Variants in ACVR1 observed in about 807,000 individuals in gnomAD.
The protein encoded by ACVR1 is activin receptor type-1.
Under a neutral mutation model 57.1 loss-of-function variants are expected in ACVR1, and 38 were observed. That is an observed-to-expected ratio of 0.67 (90% CI 0.51 to 0.87). The LOEUF (loss-of-function observed/expected upper bound fraction) is 0.87. Among genes scored for constraint, ACVR1 ranks in the 40% least tolerant of loss-of-function variants. The pLI, the probability that ACVR1 is intolerant of heterozygous loss-of-function variation, is 0.00. For synonymous variants in ACVR1, 212 were observed against 228.1 expected (o/e 0.93, Z 0.63); for missense variants, 463 against 638.2 (o/e 0.73, Z 2.96).
intron 5 of ACVR1, 147 bp downstream of exon 5, chr2:157,777,984 A>T: frequency 1.2e-6 from 1 of 805,252 alleles, no homozygotes; most frequent in South Asian, 1.5e-5. Context: ...AGGTGCCAGC[A>T]TGTGCTTGTT....
intron 1 of ACVR1, among the ~76,000 whole-genome samples, chr2:157,828,101 T>C (rs923338007): frequency 1.3e-5 from 2 of 152,008 alleles, no homozygotes; most frequent in South Asian, 2.1e-4. Flanking sequence ...GGTAGGCGGA[T>C]TGCTTGAGCC....
At chr2:157,740,016 T>C (rs780210526) in intron 9 of ACVR1, among the ~76,000 whole-genome samples, 5 of 152,088 alleles carry the variant, frequency 3.3e-5, no homozygotes, top group Non-Finnish European at 7.4e-5. Context: ...AGACCCTGTC[T>C]CTACTAAAAA....
intron 8 of ACVR1, among the ~76,000 whole-genome samples, chr2:157,761,736 T>A (rs1012189835): frequency 6.6e-6 from 1 of 152,192 alleles, no homozygotes. Context: ...CCAGAATTCC[T>A]CAGTCAATTA....
intron 9 of ACVR1, among the ~76,000 whole-genome samples, chr2:157,743,849 A>G (rs922328885): frequency 2.0e-5 from 3 of 152,164 alleles, no homozygotes; most frequent in Non-Finnish European, 4.4e-5. Context: ...TGCAGATAAG[A>G]AACTGTGGAC....
intron 9 of ACVR1, among the ~76,000 whole-genome samples, chr2:157,756,219 T>C (rs1017537931): frequency 1.3e-5 from 2 of 151,870 alleles, no homozygotes; most frequent in Non-Finnish European, 2.9e-5. Flanking sequence ...TTCTAGAAGA[T>C]AACACTGGAA....
At chr2:157,844,916 G>C (rs961678412) in intron 1 of ACVR1, among the ~76,000 whole-genome samples, 2 of 152,178 alleles carry the variant, frequency 1.3e-5, no homozygotes, top group Non-Finnish European at 2.9e-5. Context: ...CTTTGAAGCA[G>C]AGTGAGCCCT....
intron 5 of ACVR1, among the ~76,000 whole-genome samples, chr2:157,777,146 G>A (rs753857192): frequency 1.3e-4 from 20 of 152,106 alleles, no homozygotes; most frequent in Admixed American, 3.9e-4. Flanking sequence ...AGTTCAAAGC[G>A]TCTTTAAAAT....
intron 3 of ACVR1, among the ~76,000 whole-genome samples, chr2:157,792,237 C>T (rs1028599814): frequency 6.6e-6 from 1 of 152,058 alleles, no homozygotes. Context: ...TCCCCACATC[C>T]CATATACATA....
Position 157,738,436 on chromosome 2 carries a change from T to C in ACVR1, c.1395+4A>G. On this transcript the variant is annotated splice_donor_region_variant and intron_variant, in intron 10 of 10. Transcript: ENST00000434821. ...CTCTAAAACTGAGAAACTGGCATTC[T>C]TACCGGGTCTGAGAACCATCTGTTG... The C allele has an allele frequency of 6.2e-7, 1 of 1,614,110 alleles. No individual in the cohort carries two copies. The highest frequency in any genetic ancestry group is 8.5e-7 in the Non-Finnish European group (1 of 1,179,938).
chr2:157,799,232 T>C (rs1687234299), intron 3 of ACVR1, among the ~76,000 whole-genome samples, 195 bp downstream of exon 3: 1 of 152,056 alleles, frequency 6.6e-6, no homozygotes, highest in Admixed American at 6.6e-5. Context: ...GGTTGAATTT[T>C]TTAAAAAAAT....
At chr2:157,747,681 AAC>A (rs1213767227) in intron 9 of ACVR1, among the ~76,000 whole-genome samples, 1 of 152,204 alleles carries the variant, frequency 6.6e-6, no homozygotes, top group Non-Finnish European at 1.5e-5. Flanking sequence ...TTAAAAGACT[AAC>A]AGTAGTAAAA....
chr2:157,800,788 T>C (rs926901850), intron 2 of ACVR1, among the ~76,000 whole-genome samples: 2 of 152,202 alleles, frequency 1.3e-5, no homozygotes, highest in Admixed American at 6.5e-5. Context: ...ATCCTTCATC[T>C]TGGCCCCTCA....
chr2:157,855,334 AC>A (rs1488661009), intron 1 of ACVR1, among the ~76,000 whole-genome samples: 2 of 143,142 alleles, frequency 1.4e-5, no homozygotes, highest in Admixed American at 7.0e-5. Context: ...ACACACACAC[AC>A]ACACACACAC....
At chr2:157,766,700 A>G (rs1685874040) in intron 7 of ACVR1, among the ~76,000 whole-genome samples, 1 of 152,240 alleles carries the variant, frequency 6.6e-6, no homozygotes, top group South Asian at 2.1e-4. Context: ...AGTTTACATT[A>G]AATGATTGAC....
chr2:157,836,167 G>A (rs1051909191), intron 1 of ACVR1, among the ~76,000 whole-genome samples: 3 of 152,236 alleles, frequency 2.0e-5, no homozygotes, highest in African/African-American at 7.2e-5. Context: ...TATTTCCTCA[G>A]AGCAGGCTCT....
chr2:157,816,829 G>A (rs1365121505), intron 2 of ACVR1, among the ~76,000 whole-genome samples: 2 of 152,104 alleles, frequency 1.3e-5, no homozygotes, highest in Non-Finnish European at 2.9e-5. Flanking sequence ...AATTCAGAAA[G>A]ACACACACAT....
At chr2:157,743,579 T>A (rs1684857282) in intron 9 of ACVR1, among the ~76,000 whole-genome samples, 1 of 151,940 alleles carries the variant, frequency 6.6e-6, no homozygotes. Context: ...AATTTGGAAC[T>A]TTTTACATTT....
chr2:157,802,439 G>A (rs1687358377), intron 2 of ACVR1, among the ~76,000 whole-genome samples: 2 of 152,104 alleles, frequency 1.3e-5, no homozygotes, highest in Admixed American at 1.3e-4. Flanking sequence ...ACGGAGGTAA[G>A]GCACTCTAGG....
intron 8 of ACVR1, among the ~76,000 whole-genome samples, chr2:157,762,701 G>A (rs1260063875): frequency 1.3e-5 from 2 of 152,058 alleles, no homozygotes; most frequent in South Asian, 2.1e-4. Flanking sequence ...AGTGACAGTG[G>A]GTATCTTCAC....
Sources: gnomAD v4.1 joint callset for allele counts (sites outside exome capture counted in the v4.1 genomes callset) on GRCh38, gnomAD v4.1.1 for gene constraint, MANE v1.5 for transcripts, NCBI Gene and HGNC (gene_info 2026-07-23, HGNC 2026-07-21) for gene names.